Variants in LRP8 observed in about 807,000 individuals in gnomAD.
LRP8 encodes the protein low-density lipoprotein receptor-related protein 8.
LRP8 carries 46 observed loss-of-function variants against 111.6 expected under a neutral mutation model. That is an observed-to-expected ratio of 0.41 (90% CI 0.33 to 0.53). The LOEUF is 0.53. Among genes scored for constraint, LRP8 ranks in the 20% least tolerant of loss-of-function variants. The pLI, the probability that LRP8 is intolerant of heterozygous loss-of-function variation, is 0.20. For missense variants in LRP8, 959 were observed against 1,297.4 expected (o/e 0.74, Z 4.01); for synonymous variants, 464 against 511.2 (o/e 0.91, Z 1.24).
intron 3 of LRP8, among the ~76,000 whole-genome samples, chr1:53,283,192 G>A (rs1297878103): frequency 1.3e-5 from 2 of 152,044 alleles, no homozygotes; most frequent in African/African-American, 2.4e-5. Context: ...AGGTCAGGGG[G>A]AGCCTCCTTG....
At position 53,262,092 on chromosome 1, in the gene LRP8, G is replaced by C; in HGVS notation, c.1890C>G (p.His630Gln). ...CCTCAAACACAGCTATCCCAAAAGG[G>C]TGGCTCAGGAAGTCAGTGGAGGAGA... The part of the protein sequence containing the change: ...TLISSTDFLS[H>Q]PFGIAVFEDK... Residue 630 changes from histidine (H) to glutamine (Q), a missense_variant, in exon 12 of 19, where the codon CAC becomes CAG. Physicochemically the swap from His to Gln is conservative, Grantham distance 24. This residue lies in a region of LRP8 where 819 missense variants were observed against 1,097.6 expected (regional missense o/e 0.75). Transcript: ENST00000306052. The surrounding 1 kb of genome is among the most constrained non-coding windows in gnomAD (Gnocchi z 4.8). 6.2e-7 allele frequency: 1 copy of C among 1,614,214 alleles called. No individual in the cohort carries two copies. Among genetic ancestry groups the C allele is most frequent in the Non-Finnish European group, 8.5e-7 (1 of 1,180,034 alleles).
At chr1:53,256,901 C>T (rs571070705) in intron 15 of LRP8, among the ~76,000 whole-genome samples, 9 of 152,326 alleles carry the variant, frequency 5.9e-5, no homozygotes, top group South Asian at 4.1e-4. Flanking sequence ...GAGTCAGCAA[C>T]GGCTGTGTGC....
At chr1:53,292,647 G>T (rs569283852) in intron 2 of LRP8, among the ~76,000 whole-genome samples, 1 of 152,112 alleles carries the variant, frequency 6.6e-6, no homozygotes, top group Admixed American at 6.5e-5. Context: ...TCTTTTTCTC[G>T]TTCTAACACT....
chr1:53,284,303 T>C (rs1647255599), intron 3 of LRP8, among the ~76,000 whole-genome samples: 1 of 151,666 alleles, frequency 6.6e-6, no homozygotes, highest in South Asian at 2.1e-4. Context: ...ACTTACTTAC[T>C]ACATACCTGG....
chr1:53,259,769 C>T (rs781568894), intron 13 of LRP8, among the ~76,000 whole-genome samples: 13 of 152,064 alleles, frequency 8.5e-5, no homozygotes, highest in Admixed American at 5.9e-4. Context: ...AAATTGAGGT[C>T]GGCTGGGCTC....
Position 53,303,397 on chromosome 1 carries a change from G to A in LRP8, c.245-13708C>T, listed in dbSNP as rs1014235197. Among the ~76,000 whole-genome samples the A allele has an allele frequency of 3.3e-5, 5 of 152,190 alleles. No individual in the cohort carries two copies. The highest frequency in any genetic ancestry group is 7.4e-5 in the Non-Finnish European group (5 of 68,026). Reference sequence around the variant, plus strand: ...CCAGGGCCATGTGGCCCAGCCCTTGGATTTCATACATGAGAAAAGGGGCCA... The same window carrying A: ...CCAGGGCCATGTGGCCCAGCCCTTGAATTTCATACATGAGAAAAGGGGCCA... On this transcript the variant is annotated intron_variant, in intron 2 of 18. Transcript: ENST00000306052. The surrounding 1 kb of genome is among the most constrained non-coding windows in gnomAD (Gnocchi z 4.3).
rs368936646 is a variant in LRP8, at chr1:53,326,864, G to C, written c.244+9C>G. Reference sequence around the variant, plus strand: ...TCCCCGGGTCTGAGCTCCCTGGCCCGCCACTCACGGCAGTCGTCCTCGTCG... The same window carrying C: ...TCCCCGGGTCTGAGCTCCCTGGCCCCCCACTCACGGCAGTCGTCCTCGTCG... On this transcript the variant is annotated intron_variant, in intron 2 of 18. Transcript: ENST00000306052. The C allele has an allele frequency of 4.3e-6, 7 of 1,610,934 alleles. No individual in the cohort carries two copies. The highest frequency in any genetic ancestry group is 3.3e-4 in the Middle Eastern group (2 of 6,078).
rs767637670 is a variant in LRP8 at position 53,249,559 on chromosome 1, G to A, written c.2677-3C>T. 1 of 1,590,476 alleles carries A rather than the reference G, an allele frequency of 6.3e-7. No homozygotes were observed. The highest frequency in any genetic ancestry group is 8.6e-7 in the Non-Finnish European group (1 of 1,168,484). The stretch of plus-strand genomic sequence containing the variant: ...GGGCGATCAAAGCTGCTGATTGCCT[G>A]ACAGGGGGATGGCACTGTGGATGAC... On this transcript the variant is annotated splice_polypyrimidine_tract_variant and splice_region_variant and intron_variant, in intron 17 of 18. Transcript: ENST00000306052. The surrounding 1 kb of genome is among the most constrained non-coding windows in gnomAD (Gnocchi z 4.1).
chr1:53,261,998 TC>T (rs1646357267), intron 12 of LRP8, 69 bp downstream of exon 12: 8 of 1,559,016 alleles, frequency 5.1e-6, no homozygotes, highest in Non-Finnish European at 6.1e-6. Flanking sequence ...CAGGGACTCA[TC>T]CTATTTGAAC....
intron 12 of LRP8, among the ~76,000 whole-genome samples, chr1:53,261,721 T>C (rs1236205592): frequency 2.0e-5 from 3 of 152,236 alleles, no homozygotes; most frequent in African/African-American, 7.2e-5. Flanking sequence ...TCTAAGGATA[T>C]GTATGTTCCT....
chr1:53,304,350 C>T (rs954973733), intron 2 of LRP8, among the ~76,000 whole-genome samples: 1 of 152,188 alleles, frequency 6.6e-6, no homozygotes, highest in Non-Finnish European at 1.5e-5. Context: ...GGCAGGCCCA[C>T]GCGCAGCCAC....
intron 2 of LRP8, among the ~76,000 whole-genome samples, chr1:53,326,638 C>G (rs1191345121): frequency 1.3e-5 from 2 of 152,190 alleles, no homozygotes; most frequent in Admixed American, 1.3e-4. Flanking sequence ...GCACACTGCC[C>G]GGGGCTCCGC....
chr1:53,307,328 C>G (rs1652173487), intron 2 of LRP8: 1 of 152,256 alleles, frequency 6.6e-6, no homozygotes, highest in Admixed American at 6.5e-5. Context: ...TTACCCCGTC[C>G]CACCTTCTAC....
rs1386440005 is a variant in LRP8, at chr1:53,260,604, T to G, written c.1916A>C (p.Asp639Ala). 6.2e-7 allele frequency: 1 copy of G among 1,613,954 alleles called. No individual in the cohort carries two copies. The highest frequency in any genetic ancestry group is 8.5e-7 in the Non-Finnish European group (1 of 1,179,962). Reference protein sequence around the residue: ...SHPFGIAVFEDKVFWTDLENE... With the variant: ...SHPFGIAVFEAKVFWTDLENE... ...CTCCAGGTCTGTCCAGAACACCTTGTCCTGTGGGGTATAGATGCAGAGGAT... is the reference window on the plus strand; with the variant it reads ...CTCCAGGTCTGTCCAGAACACCTTGGCCTGTGGGGTATAGATGCAGAGGAT... Residue 639 changes from aspartate (D) to alanine (A), a missense_variant and splice_region_variant, in exon 13 of 19, where the codon GAC becomes GCC. Coordinates refer to ENST00000306052, the MANE Select transcript of LRP8 (RefSeq NM_004631.5).
intron 2 of LRP8, among the ~76,000 whole-genome samples, chr1:53,321,971 C>T (rs372630787): frequency 4.3e-4 from 65 of 152,254 alleles, no homozygotes; most frequent in African/African-American, 1.5e-3. Flanking sequence ...GGTGGCTGGG[C>T]AACTCCCTGG....
chr1:53,258,320 T>G lies in LRP8; in HGVS notation c.2208A>C (p.Arg736=). ...WLGPDMKRCY[R]APQSTSTTTL... ...ATCCCTCCTGGAAGGTCTGCTTACC[T>G]CGGTAGCACCTCTTCATGTCTGGAC... Residue 736 remains arginine, a splice_region_variant and synonymous_variant, in exon 14 of 19, where the codon CGA becomes CGC. Transcript: ENST00000306052. The G allele has an allele frequency of 1.2e-6, 2 of 1,613,542 alleles. No individual in the cohort carries two copies. Among genetic ancestry groups the G allele is most frequent in the Non-Finnish European group, 1.7e-6 (2 of 1,179,704 alleles).
intron 2 of LRP8, among the ~76,000 whole-genome samples, chr1:53,298,478 T>C (rs889228249): frequency 1.3e-5 from 2 of 152,188 alleles, no homozygotes; most frequent in African/African-American, 4.8e-5. Context: ...GCTGAGAAGA[T>C]GACCACGTTC....
intron 2 of LRP8, among the ~76,000 whole-genome samples, chr1:53,299,183 T>C (rs1650331485): frequency 6.6e-6 from 1 of 152,038 alleles, no homozygotes; most frequent in African/African-American, 2.4e-5. Context: ...GAGCAAATGA[T>C]TCAGTGATGA....
intron 4 of LRP8, 138 bp from the exon 5 acceptor site, chr1:53,277,216 G>T: frequency 7.9e-7 from 1 of 1,261,338 alleles, no homozygotes; most frequent in Non-Finnish European, 1.0e-6. Context: ...TGGTGGACGT[G>T]CAGTTAGGCA....
Sources: gnomAD v4.1 joint callset for allele counts (sites outside exome capture counted in the v4.1 genomes callset) on GRCh38, gnomAD v4.1.1 for gene constraint, gnomAD v4.1.1 regional missense constraint, Gnocchi (gnomAD v3.1) non-coding constraint, MANE v1.5 for transcripts, NCBI Gene and HGNC (gene_info 2026-07-23, HGNC 2026-07-21) for gene names.